The following FBXL5 variants were observed in gnomAD, a reference collection of about 807,000 sequenced individuals.
FBXL5 encodes F-box and leucine rich repeat protein 5, also known as F-box/LRR-repeat protein 5.
FBXL5 carries 26 observed loss-of-function variants against 78.3 expected under a neutral mutation model. The ratio of observed to expected loss-of-function variants is 0.33; its 90% CI spans 0.24 to 0.46. The LOEUF is 0.46. Among genes scored for constraint, FBXL5 ranks in the 20% least tolerant of loss-of-function variants. The pLI is 1.00. For missense variants in FBXL5, 710 were observed against 829.2 expected (o/e 0.86, Z 1.77); for synonymous variants, 295 against 282.5 (o/e 1.04, Z -0.45).
At chr4:15,656,794 T>G (rs750969342), upstream of FBXL5, among the ~76,000 whole-genome samples, 1 of 152,102 alleles carries the variant, frequency 6.6e-6, no homozygotes, top group Non-Finnish European at 1.5e-5. Context: ...GAAGCACTTA[T>G]AACAGTACCG....
intron 1 of FBXL5, among the ~76,000 whole-genome samples, chr4:15,672,739 A>T (rs1490879899): frequency 1.3e-5 from 2 of 152,210 alleles, no homozygotes; most frequent in African/African-American, 4.8e-5. Flanking sequence ...GCTTAAATAC[A>T]TTAAATTTAT....
chr4:15,656,179 A>G (rs1466249384), upstream of FBXL5: 1 of 456,078 alleles, frequency 2.2e-6, no homozygotes, highest in African/African-American at 2.0e-5. Flanking sequence ...ACCTTGGTAC[A>G]AATCCCGCCA....
At chr4:15,647,345 C>G (rs1490593546) in intron 1 of FBXL5, among the ~76,000 whole-genome samples, 2 of 150,356 alleles carry the variant, frequency 1.3e-5, no homozygotes, top group African/African-American at 2.4e-5. Flanking sequence ...TATAAGTAAT[C>G]TAAAGATGAT....
intron 1 of FBXL5, among the ~76,000 whole-genome samples, chr4:15,652,879 T>A (rs970670140): frequency 7.0e-6 from 1 of 142,410 alleles, no homozygotes; most frequent in South Asian, 2.2e-4. Context: ...TATAGTTTTA[T>A]TGTAAACTGT....
upstream of FBXL5, among the ~76,000 whole-genome samples, chr4:15,660,595 A>C (rs1717259502): frequency 6.6e-6 from 1 of 152,200 alleles, no homozygotes. Context: ...CACAAGATCT[A>C]GGGCAAATCA....
chr4:15,669,713 T>G (rs975895752), intron 1 of FBXL5, among the ~76,000 whole-genome samples: 8 of 152,220 alleles, frequency 5.3e-5, no homozygotes, highest in African/African-American at 1.9e-4. Flanking sequence ...TTATTTTTAT[T>G]AAATACTCAA....
chr4:15,665,404 T>G (rs1323090294), intron 1 of FBXL5, among the ~76,000 whole-genome samples: 4 of 152,170 alleles, frequency 2.6e-5, no homozygotes, highest in Non-Finnish European at 5.9e-5. Context: ...CGGCTTATTA[T>G]TAGTACAGCT....
At chr4:15,619,940 A>C (rs1282466908) in intron 9 of FBXL5, among the ~76,000 whole-genome samples, 1 of 152,286 alleles carries the variant, frequency 6.6e-6, no homozygotes, top group East Asian at 1.9e-4. Context: ...CCAAGTACAC[A>C]TGCCAATAGT....
intron 1 of FBXL5, among the ~76,000 whole-genome samples, chr4:15,645,300 T>A (rs916431176): frequency 2.6e-5 from 4 of 152,122 alleles, no homozygotes; most frequent in Non-Finnish European, 5.9e-5. Flanking sequence ...ATTAACTATC[T>A]TCTATAAAAA....
intron 1 of FBXL5, among the ~76,000 whole-genome samples, chr4:15,651,948 C>G (rs1440262383): frequency 6.6e-6 from 1 of 152,196 alleles, no homozygotes; most frequent in Non-Finnish European, 1.5e-5. Flanking sequence ...GTGTAACTCC[C>G]TTTGCTCCCA....
At chr4:15,641,530 G>C (rs150143975) in intron 2 of FBXL5, 2 of 419,118 alleles carry the variant, frequency 4.8e-6, no homozygotes, top group Non-Finnish European at 4.7e-6. Flanking sequence ...TTACCTTACT[G>C]TAAGAATCCA....
intron 9 of FBXL5, among the ~76,000 whole-genome samples, chr4:15,619,828 A>C (rs1364212564): frequency 6.6e-6 from 1 of 152,112 alleles, no homozygotes; most frequent in Non-Finnish European, 1.5e-5. Flanking sequence ...CCACCCTCCC[A>C]AAAAAGTAAA....
At chr4:15,616,919 A>G (rs370182776) in intron 9 of FBXL5, among the ~76,000 whole-genome samples, 2 of 152,334 alleles carry the variant, frequency 1.3e-5, no homozygotes, top group African/African-American at 4.8e-5. Flanking sequence ...CAGAGCCTGC[A>G]GTGGCAAGCT....
At chr4:15,662,197 C>A (rs1244010637), upstream of FBXL5, among the ~76,000 whole-genome samples, 2 of 152,132 alleles carry the variant, frequency 1.3e-5, no homozygotes, top group East Asian at 1.9e-4. Flanking sequence ...AATTGAGGGC[C>A]ATCTTTGAAG....
At chr4:15,676,580 C>T (rs1718002624) in intron 1 of FBXL5, among the ~76,000 whole-genome samples, 1 of 152,024 alleles carries the variant, frequency 6.6e-6, no homozygotes, top group Non-Finnish European at 1.5e-5. Context: ...TTATAAAAAT[C>T]TTAACACTCA....
chr4:15,651,566 AG>A (rs969722827), intron 1 of FBXL5, among the ~76,000 whole-genome samples: 41 of 152,200 alleles, frequency 2.7e-4, no homozygotes, highest in Non-Finnish European at 1.0e-4. Context: ...AAATTGTTAC[AG>A]GTATGCAGAA....
chr4:15,608,609 T>C (rs1722039770), intron 10 of FBXL5, among the ~76,000 whole-genome samples: 2 of 151,496 alleles, frequency 1.3e-5, no homozygotes, highest in African/African-American at 4.8e-5. Flanking sequence ...AGGCAAGAAC[T>C]CTGAATACAT....
upstream of FBXL5, chr4:15,660,004 T>C (rs977553888): frequency 2.0e-5 from 3 of 152,152 alleles, no homozygotes; most frequent in African/African-American, 7.2e-5. Context: ...AGGCAGTTGC[T>C]TAATCCCTGC....
intron 9 of FBXL5, among the ~76,000 whole-genome samples, chr4:15,623,505 TA>T (rs1169856535): frequency 7.1e-6 from 1 of 141,038 alleles, no homozygotes; most frequent in Admixed American, 6.9e-5. Context: ...ATGACAGTAA[TA>T]AAAAAATGAC....
Sources: allele counts gnomAD v4.1 joint callset (sites outside exome capture counted in the v4.1 genomes callset), GRCh38; gene constraint gnomAD v4.1.1; transcripts MANE v1.5; gene names NCBI Gene and HGNC (gene_info 2026-07-23, HGNC 2026-07-21).